Variants in DNAJB1 observed in about 807,000 individuals in gnomAD.
The protein encoded by DNAJB1 is DnaJ heat shock protein family (Hsp40) member B1.
DNAJB1 carries 14 observed loss-of-function variants against 24.0 expected under a neutral mutation model. The ratio of observed to expected loss-of-function variants is 0.58; its 90% CI spans 0.39 to 0.91. The LOEUF (loss-of-function observed/expected upper bound fraction) is 0.91. Ranked by LOEUF, DNAJB1 falls within the 40% of genes least tolerant of loss-of-function variation. The pLI, the probability that DNAJB1 is intolerant of heterozygous loss-of-function variation, is 0.00. For synonymous variants in DNAJB1, 262 were observed against 174.4 expected (o/e 1.50, Z -3.96); for missense variants, 517 against 458.1 (o/e 1.13, Z -1.17).
At chr19:14,544,273 C>G (rs1230443360) in intron 1 of DNAJB1, among the ~76,000 whole-genome samples, 1 of 152,056 alleles carries the variant, frequency 6.6e-6, no homozygotes, top group Non-Finnish European at 1.5e-5. Context: ...TTGGCACCTT[C>G]TGATAAGGCA....
At chr19:14,518,443 TC>T, upstream of DNAJB1, 1 of 1,081,818 alleles carries the variant, frequency 9.2e-7, no homozygotes, top group Non-Finnish European at 1.2e-6. Context: ...GGCGGAAGCT[TC>T]CAGAGCCCGC....
At chr19:14,532,969 G>A (rs1022581351), upstream of DNAJB1, among the ~76,000 whole-genome samples, 5 of 151,860 alleles carry the variant, frequency 3.3e-5, no homozygotes, top group African/African-American at 1.2e-4. Context: ...AATTAGCTGG[G>A]TATGGTGGCA....
chr19:14,541,365 G>T (rs2073091558), intron 1 of DNAJB1, among the ~76,000 whole-genome samples: 1 of 152,144 alleles, frequency 6.6e-6, no homozygotes, highest in African/African-American at 2.4e-5. Flanking sequence ...CAACCCTCCT[G>T]GCACAGCGGC....
In DNAJB1 at chr19:14,544,789, C is replaced by T. The variant is rs534483000; in HGVS notation, c.-214+5419G>A. 2.3e-4 allele frequency among the ~76,000 whole-genome samples: 35 copies of T among 152,110 alleles called. No individual in the cohort carries two copies. The East Asian group carries it at 5.8e-3, about 25-fold the overall frequency. On this transcript the variant is annotated intron_variant, in intron 1 of 3. Coordinates refer to the DNAJB1 transcript ENST00000676982. ...CTGAGACCACAGGTGCATGCCATCA[C>T]GCCCGGCTAATTTGAAAATTTTCTG...
intron 1 of DNAJB1, among the ~76,000 whole-genome samples, chr19:14,536,240 G>A (rs533319410): frequency 1.4e-3 from 212 of 151,800 alleles, no homozygotes; most frequent in Non-Finnish European, 2.3e-3. Context: ...TGGAGCCCAC[G>A]GGCAAGGTCT....
Position 14,517,010 on chromosome 19 carries a change from C to T in DNAJB1, c.248G>A (p.Gly83Asp). 6.2e-7 allele frequency: 1 copy of T among 1,609,208 alleles called. No homozygotes were observed. The highest frequency in any genetic ancestry group is 1.7e-4 in the Middle Eastern group (1 of 6,048). The change falls in exon 2 of 3, where the codon GGT becomes GAT. Residue 83 changes from glycine to aspartate, a missense_variant. Gly to Asp is a moderately conservative substitution (Grantham distance 94). Transcript: ENST00000254322. Reference sequence around the variant, plus strand: ...GCTGAAAGAGGTACCATTGGCACCACCGCCGCTACCGCCACTGGGGCCACT... The same window carrying T: ...GCTGAAAGAGGTACCATTGGCACCATCGCCGCTACCGCCACTGGGGCCACT... ...KGSGPSGGSG[G>D]GANGTSFSYT...
In DNAJB1 at chr19:14,516,959, G is replaced by C; in HGVS notation, c.299C>G (p.Ala100Gly). The change falls in exon 2 of 3, where the codon GCC (alanine) becomes GGC (glycine). Residue 100 changes from alanine (A) to glycine (G), a missense_variant. Transcript: ENST00000254322. ...FSYTFHGDPH[A>G]MFAEFFGGRN... ...GCCACCGAAGAACTCAGCAAACATG[G>C]CATGAGGGTCTCCATGGAATGTGTA... 6.2e-7 allele frequency: 1 copy of C among 1,613,470 alleles called. No homozygotes were observed. The highest frequency in any genetic ancestry group is 8.5e-7 in the Non-Finnish European group (1 of 1,179,998).
chr19:14,520,282 G>T (rs537288708), upstream of DNAJB1, among the ~76,000 whole-genome samples: 2 of 152,272 alleles, frequency 1.3e-5, no homozygotes, highest in South Asian at 4.2e-4. Context: ...AGATTCCAGT[G>T]ACAGCTGCCC....
chr19:14,534,126 C>T (rs548289478), upstream of DNAJB1: 2 of 151,138 alleles, frequency 1.3e-5, no homozygotes, highest in African/African-American at 2.4e-5. Context: ...AGGGTGTTTT[C>T]TTTCTTTTTT....
At chr19:14,558,131 C>T (rs752745591) in intron 1 of DNAJB1, among the ~76,000 whole-genome samples, 6 of 152,128 alleles carry the variant, frequency 3.9e-5, no homozygotes, top group Non-Finnish European at 7.4e-5. Flanking sequence ...CTGGGGACAG[C>T]CCACTTTGCC....
In DNAJB1 at chr19:14,516,446, C is replaced by T. The variant is rs752435719; in HGVS notation, c.792+20G>A. 10 of 1,604,774 alleles carry T rather than the reference C, an allele frequency of 6.2e-6. No individual in the cohort carries two copies. Among genetic ancestry groups the T allele is most frequent in the African/African-American group, 4.0e-5 (3 of 74,548 alleles). On this transcript the variant is annotated intron_variant, in intron 2 of 2. Coordinates refer to ENST00000254322, the MANE Select transcript of DNAJB1 (RefSeq NM_006145.3). ...AGCAGCCATCGCCCTCTACAGACAC[C>T]GCCCCACCTGGCACCTTACCTCCCG... is the stretch of plus-strand genomic sequence containing the variant.
rs769066386 is a variant in DNAJB1, at chr19:14,518,136, C to T, written c.211+3G>A. 6.5e-7 allele frequency: 1 copy of T among 1,537,942 alleles called. No homozygotes were observed. Among genetic ancestry groups the T allele is most frequent in the Non-Finnish European group, 8.7e-7 (1 of 1,143,502 alleles). ...GGCCGCGCCCCTGGCCGCGAGCACA[C>T]ACCTTCCTCCCCGTAGCGGTCGAAG... On this transcript the variant is annotated splice_donor_region_variant and intron_variant, in intron 1 of 2. Transcript: ENST00000254322.
rs538414669 is a variant in DNAJB1, at chr19:14,526,525, A to G, written c.-90+1201T>C. Among the ~76,000 whole-genome samples the G allele has an allele frequency of 5.3e-5, 8 of 152,322 alleles. No individual in the cohort carries two copies. The East Asian group carries it at 1.3e-3, about 26-fold the overall frequency. On this transcript the variant is annotated intron_variant, in intron 2 of 3. Transcript: ENST00000396969. ...GGAGGCTGGATCTTGCCTTTCTGCC[A>G]GCTTCTTATGGGTGAGGAGGGGGTG...
upstream of DNAJB1, among the ~76,000 whole-genome samples, chr19:14,555,081 T>G (rs1169097503): frequency 6.8e-5 from 10 of 147,580 alleles, no homozygotes; most frequent in South Asian, 2.2e-4. Context: ...CTGGCCTTGT[T>G]TTTTTTTTTT....
chr19:14,529,679 C>T, upstream of DNAJB1: 1 of 1,613,918 alleles, frequency 6.2e-7, no homozygotes, highest in Non-Finnish European at 8.5e-7. Flanking sequence ...GGAGCAGTAG[C>T]CGCCGTGGGA....
intron 1 of DNAJB1, among the ~76,000 whole-genome samples, chr19:14,548,598 G>T (rs1449996965): frequency 2.6e-5 from 4 of 152,094 alleles, no homozygotes; most frequent in Non-Finnish European, 5.9e-5. Context: ...TTCTTTTAGA[G>T]ACGGAGTTTT....
chr19:14,553,212 G>C (rs2073599267), upstream of DNAJB1, among the ~76,000 whole-genome samples: 1 of 152,168 alleles, frequency 6.6e-6, no homozygotes, highest in African/African-American at 2.4e-5. Flanking sequence ...TGCTGGATGG[G>C]AACAGCAGCT....
At chr19:14,516,439 CA>C (rs1400866247) in intron 2 of DNAJB1, 26 bp downstream of exon 2, 1 of 1,601,660 alleles carries the variant, frequency 6.2e-7, no homozygotes, top group East Asian at 2.2e-5. Context: ...TCGCCCTCTA[CA>C]GACACCGCCC....
intron 2 of DNAJB1, 138 bp downstream of exon 2, chr19:14,516,328 C>G: frequency 7.9e-7 from 1 of 1,266,066 alleles, no homozygotes. Flanking sequence ...CACAACAGCG[C>G]CCTGGTCAGT....
Sources: gnomAD v4.1 joint callset for allele counts (sites outside exome capture counted in the v4.1 genomes callset) on GRCh38, gnomAD v4.1.1 for gene constraint, MANE v1.5 for transcripts, NCBI Gene and HGNC (gene_info 2026-07-23, HGNC 2026-07-21) for gene names.